The following CNTNAP2 variants were observed in gnomAD, a reference collection of about 807,000 sequenced individuals.
The protein encoded by CNTNAP2 is contactin associated protein 2.
Under a neutral mutation model 155.2 loss-of-function variants are expected in CNTNAP2, and 98 were observed. The ratio of observed to expected loss-of-function variants is 0.63; its 90% CI spans 0.54 to 0.75. The LOEUF (loss-of-function observed/expected upper bound fraction) is 0.75, where lower values mean the gene tolerates loss of function less well. Among genes scored for constraint, CNTNAP2 ranks in the 30% least tolerant of loss-of-function variants. The probability of loss-of-function intolerance (pLI) is 0.00; values close to 1 mark genes in which losing one functional copy is unlikely to be tolerated. For missense variants in CNTNAP2, 1,727 were observed against 1,688.1 expected (o/e 1.02, Z -0.40); for synonymous variants, 651 against 631.2 (o/e 1.03, Z -0.47).
intron 10 of CNTNAP2, among the ~76,000 whole-genome samples, chr7:147,462,864 C>T (rs906337611): frequency 6.6e-6 from 1 of 152,074 alleles, no homozygotes; most frequent in Non-Finnish European, 1.5e-5. Flanking sequence ...CTGCAAGCTC[C>T]GCCTCCCGGG....
chr7:147,966,700 A>G (rs1382142138), intron 14 of CNTNAP2, among the ~76,000 whole-genome samples: 4 of 152,236 alleles, frequency 2.6e-5, no homozygotes, highest in African/African-American at 4.8e-5. Context: ...AGATGTCAGC[A>G]TATTCCGTCT....
intron 13 of CNTNAP2, among the ~76,000 whole-genome samples, chr7:147,707,909 GA>G (rs779922062): frequency 1.3e-5 from 2 of 152,148 alleles, no homozygotes; most frequent in Non-Finnish European, 2.9e-5. Context: ...CAGGACCACA[GA>G]AGGAGTACCC....
intron 14 of CNTNAP2, among the ~76,000 whole-genome samples, chr7:147,916,120 T>G (rs1800156382): frequency 6.6e-6 from 1 of 152,196 alleles, no homozygotes; most frequent in Admixed American, 6.5e-5. Flanking sequence ...AGGTTCCAGA[T>G]AGCTCAAATT....
intron 1 of CNTNAP2, among the ~76,000 whole-genome samples, chr7:146,190,232 G>A (rs1287266484): frequency 6.6e-6 from 1 of 152,060 alleles, no homozygotes; most frequent in African/African-American, 2.4e-5. Context: ...TTCTGGCTCT[G>A]GCCATTCTGC....
Position 147,488,555 on chromosome 7 carries a change from T to TA in CNTNAP2, c.1777+2521dup, listed in dbSNP as rs60865830. ...AATTATTTTAAATAGTATTTTTTTTTAAAAAAAGCAGCTAACTAAGAGCTA... is the reference window on the plus strand; with the variant it reads ...AATTATTTTAAATAGTATTTTTTTTTAAAAAAAAGCAGCTAACTAAGAGCTA... On this transcript the variant is annotated intron_variant, in intron 11 of 23. Transcript: ENST00000361727. Among the ~76,000 whole-genome samples, 1,032 of 151,754 alleles carry TA rather than the reference T, an allele frequency of 6.8e-3. 8 individuals are homozygous for TA. Among genetic ancestry groups the TA allele is most frequent in the Non-Finnish European group, 7.6e-3 (513 of 67,892 alleles).
intron 1 of CNTNAP2, among the ~76,000 whole-genome samples, chr7:146,585,748 G>GA (rs11464190): frequency 0.038 from 5,006 of 130,542 alleles, 126 homozygotes; most frequent in African/African-American, 0.061. Flanking sequence ...GAAAAAGAAA[G>GA]AAGGAAAGAA....
At chr7:146,394,976 T>C (rs1795599045) in intron 1 of CNTNAP2, among the ~76,000 whole-genome samples, 1 of 152,290 alleles carries the variant, frequency 6.6e-6, no homozygotes, top group East Asian at 1.9e-4. Flanking sequence ...CACTCATAAG[T>C]GAGAGCATGT....
chr7:146,362,717 A>T (rs1204328822), intron 1 of CNTNAP2, among the ~76,000 whole-genome samples: 1 of 152,012 alleles, frequency 6.6e-6, no homozygotes, highest in Non-Finnish European at 1.5e-5. Flanking sequence ...GGAGTGACAC[A>T]AACTGAATTA....
intron 13 of CNTNAP2, among the ~76,000 whole-genome samples, chr7:147,888,308 A>T (rs1185824114): frequency 1.3e-5 from 2 of 152,186 alleles, no homozygotes; most frequent in African/African-American, 4.8e-5. Flanking sequence ...ATAATAGATA[A>T]AATTAAAAGC....
rs1028550863 is a variant in CNTNAP2, at chr7:147,572,315, G to C, written c.1897+10058G>C. ...CAAACTTCAAATTAAAAAAAAAAAA[G>C]AGAGGAAAACCATGAGATCCAGTGA... On this transcript the variant is annotated intron_variant, in intron 12 of 23. Transcript: ENST00000361727. Among the ~76,000 whole-genome samples, 5 of 151,692 alleles carry C rather than the reference G, an allele frequency of 3.3e-5. No individual in the cohort carries two copies. The South Asian group carries it at 8.3e-4, about 25-fold the overall frequency.
chr7:146,787,353 G>T (rs1358454390), intron 2 of CNTNAP2, among the ~76,000 whole-genome samples: 4 of 152,234 alleles, frequency 2.6e-5, no homozygotes, highest in African/African-American at 9.6e-5. Flanking sequence ...CTTAAAGAGG[G>T]TATATCCGGA....
chr7:147,797,637 G>A (rs1228974475), intron 13 of CNTNAP2, among the ~76,000 whole-genome samples: 1 of 152,128 alleles, frequency 6.6e-6, no homozygotes, highest in Non-Finnish European at 1.5e-5. Flanking sequence ...GCTCTGGATA[G>A]TATAATGTGC....
intron 4 of CNTNAP2, among the ~76,000 whole-genome samples, chr7:147,076,905 CTCTTT>C: frequency 6.6e-6 from 1 of 152,254 alleles, no homozygotes; most frequent in African/African-American, 2.4e-5. Flanking sequence ...ATAGCTACTT[CTCTTT>C]TAATGGACGT....
chr7:146,241,504 A>G (rs1384694887), intron 1 of CNTNAP2, among the ~76,000 whole-genome samples: 1 of 152,204 alleles, frequency 6.6e-6, no homozygotes, highest in Non-Finnish European at 1.5e-5. Flanking sequence ...TAGCCATCAA[A>G]TTATCTTGAA....
intron 1 of CNTNAP2, among the ~76,000 whole-genome samples, chr7:146,497,617 T>A (rs1313137178): frequency 6.6e-6 from 1 of 151,920 alleles, no homozygotes; most frequent in Non-Finnish European, 1.5e-5. Context: ...ACAAAATTCT[T>A]ACCTTTCTAG....
At chr7:147,042,851 T>G (rs867021346) in intron 3 of CNTNAP2, among the ~76,000 whole-genome samples, 1 of 152,110 alleles carries the variant, frequency 6.6e-6, no homozygotes, top group Non-Finnish European at 1.5e-5. Context: ...ATAGGGACAT[T>G]TAGAATGCAT....
chr7:146,265,602 G>A (rs924441224), intron 1 of CNTNAP2, among the ~76,000 whole-genome samples: 6 of 152,002 alleles, frequency 3.9e-5, no homozygotes, highest in African/African-American at 1.4e-4. Context: ...GGGATTACAG[G>A]CATGCACCAC....
intron 11 of CNTNAP2, among the ~76,000 whole-genome samples, chr7:147,534,048 T>C (rs1799493630): frequency 6.6e-6 from 1 of 152,222 alleles, no homozygotes. Context: ...TTTTAGAATT[T>C]ACGCAATTCT....
At chr7:148,327,212 C>T (rs1797908580) in intron 21 of CNTNAP2, among the ~76,000 whole-genome samples, 1 of 152,196 alleles carries the variant, frequency 6.6e-6, no homozygotes, top group Admixed American at 6.5e-5. Flanking sequence ...GCTAGACTGG[C>T]CTGCAGGGGA....
Sources: gnomAD v4.1 joint callset for allele counts (sites outside exome capture counted in the v4.1 genomes callset) on GRCh38, gnomAD v4.1.1 for gene constraint, MANE v1.5 for transcripts, NCBI Gene and HGNC (gene_info 2026-07-23, HGNC 2026-07-21) for gene names.